Variants in PPP1R9A observed in about 807,000 individuals in gnomAD.
PPP1R9A encodes neurabin-1.
Under a neutral mutation model 141.9 loss-of-function variants are expected in PPP1R9A, and 59 were observed. The ratio of observed to expected loss-of-function variants is 0.42; its 90% CI spans 0.34 to 0.52. The LOEUF (loss-of-function observed/expected upper bound fraction) is 0.52. Among genes scored for constraint, PPP1R9A ranks in the 20% least tolerant of loss-of-function variants. The pLI is 0.10. For missense variants in PPP1R9A, 1,444 were observed against 1,611.9 expected, an observed-to-expected ratio of 0.90 and a Z score of 1.78; for synonymous variants, 500 against 569.7, an observed-to-expected ratio of 0.88 and a Z score of 1.74.
intron 4 of PPP1R9A, among the ~76,000 whole-genome samples, chr7:95,134,161 C>T (rs896277819): frequency 1.3e-5 from 2 of 152,122 alleles, no homozygotes; most frequent in Admixed American, 6.5e-5. Context: ...AGTTCATGTC[C>T]TTTGCAGGGA....
At chr7:95,006,815 A>G (rs532294835) in intron 2 of PPP1R9A, among the ~76,000 whole-genome samples, 171 of 151,566 alleles carry the variant, frequency 1.1e-3, no homozygotes, top group Non-Finnish European at 2.0e-3. Flanking sequence ...TTGTCTTACC[A>G]TTGTCTCCTT....
intron 5 of PPP1R9A, among the ~76,000 whole-genome samples, chr7:95,192,505 CT>C (rs1835655514): frequency 6.6e-6 from 1 of 151,944 alleles, no homozygotes. Flanking sequence ...ATAGGAGGTA[CT>C]TTTAAATGCA....
chr7:95,226,056 T>G lies in PPP1R9A; in HGVS notation c.2052T>G (p.Asn684Lys). The G allele has an allele frequency of 6.2e-7, 1 of 1,613,658 alleles. No homozygotes were observed. Among genetic ancestry groups the G allele is most frequent in the Admixed American group, 1.7e-5 (1 of 59,956 alleles). ...MAIEVFELPENEDMFSPSELD... is the reference protein window; with the variant it reads ...MAIEVFELPEKEDMFSPSELD... ...TTGAAGTCTTTGAGCTGCCTGAGAA[T>G]GAGGACATGTTTTCCCCATCAGAAC... Residue 684 changes from asparagine to lysine, a missense_variant, in exon 8 of 20, where the codon AAT becomes AAG. This residue lies in a region of PPP1R9A where 488 missense variants were observed against 542.0 expected (regional missense o/e 0.90). Transcript: ENST00000433360.
At chr7:94,929,444 G>C (rs1036477167) in intron 2 of PPP1R9A, among the ~76,000 whole-genome samples, 1 of 152,130 alleles carries the variant, frequency 6.6e-6, no homozygotes, top group African/African-American at 2.4e-5. Flanking sequence ...GGTAGAAAAA[G>C]GGACAAGTGT....
chr7:94,926,928 C>T (rs1396678262), intron 2 of PPP1R9A, among the ~76,000 whole-genome samples: 1 of 152,032 alleles, frequency 6.6e-6, no homozygotes, highest in Admixed American at 6.6e-5. Flanking sequence ...ACCAAATAAT[C>T]CAAGGTCTTG....
At chr7:95,220,269 C>G (rs961297370) in intron 7 of PPP1R9A, among the ~76,000 whole-genome samples, 1 of 152,058 alleles carries the variant, frequency 6.6e-6, no homozygotes, top group African/African-American at 2.4e-5. Context: ...TTTCCTCCTC[C>G]AGGGAAGAAG....
intron 7 of PPP1R9A, among the ~76,000 whole-genome samples, chr7:95,219,359 C>A (rs867492573): frequency 1.3e-5 from 2 of 152,068 alleles, no homozygotes; most frequent in South Asian, 2.1e-4. Context: ...GGTGGGTTGC[C>A]CTTTGTGGGT....
intron 2 of PPP1R9A, among the ~76,000 whole-genome samples, chr7:94,913,955 T>C (rs1438059567): frequency 6.6e-6 from 1 of 152,208 alleles, no homozygotes; most frequent in South Asian, 2.1e-4. Flanking sequence ...AGTCCTTTAG[T>C]GGCACTTGGT....
intron 4 of PPP1R9A, among the ~76,000 whole-genome samples, chr7:95,126,158 T>G (rs1823525914): frequency 6.6e-6 from 1 of 152,214 alleles, no homozygotes; most frequent in African/African-American, 2.4e-5. Context: ...TCTAGCATTT[T>G]GAGGAAGATC....
chr7:95,251,826 C>T lies in PPP1R9A; in HGVS notation c.2461C>T (p.His821Tyr), dbSNP rs1203238034. The change falls in exon 11 of 20, where the codon CAT becomes TAT. Residue 821 changes from histidine (H) to tyrosine (Y), a missense_variant. Coordinates refer to ENST00000433360, the MANE Select transcript of PPP1R9A (RefSeq NM_001166160.2). ...RKKIEDLEKA[H>Y]LVEVQGLQVR... Reference sequence around the variant, plus strand: ...GAAAATAGAAGATTTGGAAAAAGCTCATCTTGTGGAAGTGCAAGGCCTCCA... The same window carrying T: ...GAAAATAGAAGATTTGGAAAAAGCTTATCTTGTGGAAGTGCAAGGCCTCCA... 1.2e-6 allele frequency: 2 copies of T among 1,613,802 alleles called. No homozygotes were observed. Among genetic ancestry groups the T allele is most frequent in the Admixed American group, 1.7e-5 (1 of 59,972 alleles).
intron 4 of PPP1R9A, among the ~76,000 whole-genome samples, chr7:95,125,877 AG>A (rs902182142): frequency 5.3e-5 from 8 of 152,152 alleles, no homozygotes; most frequent in Non-Finnish European, 8.8e-5. Context: ...AATAGATTAA[AG>A]AGTCCTATTC....
intron 4 of PPP1R9A, among the ~76,000 whole-genome samples, chr7:95,133,513 T>TTATATA (rs10570222): frequency 0.088 from 11,675 of 132,260 alleles, 663 homozygotes; most frequent in Non-Finnish European, 0.13. Context: ...TGCAGTCGTA[T>TTATATA]TATATATATA....
chr7:94,996,887 C>A (rs914015231), intron 2 of PPP1R9A, among the ~76,000 whole-genome samples: 1 of 150,046 alleles, frequency 6.7e-6, no homozygotes, highest in South Asian at 2.1e-4. Context: ...ACTGCAACCT[C>A]CACCTCCCAG....
At chr7:95,032,388 T>C (rs902302410) in intron 2 of PPP1R9A, among the ~76,000 whole-genome samples, 5 of 152,076 alleles carry the variant, frequency 3.3e-5, no homozygotes, top group Admixed American at 3.3e-4. Flanking sequence ...AATGAGAAAC[T>C]GAGATCTAGA....
intron 16 of PPP1R9A, 25 bp from the exon 17 acceptor site, chr7:95,283,991 AAC>A (rs760451451): frequency 1.3e-6 from 2 of 1,531,738 alleles, no homozygotes; most frequent in Non-Finnish European, 1.8e-6. Context: ...TTCTTTATCT[AAC>A]ACACCCATTC....
chr7:95,237,181 T>A (rs5885902), intron 8 of PPP1R9A, among the ~76,000 whole-genome samples: 67,866 of 122,908 alleles, frequency 0.55, 15,979 homozygotes, highest in African/African-American at 0.66. Context: ...ATATATATAT[T>A]TTTTTTTTTT....
chr7:94,956,629 G>T (rs762822349), intron 2 of PPP1R9A, among the ~76,000 whole-genome samples: 5 of 152,054 alleles, frequency 3.3e-5, no homozygotes, highest in Non-Finnish European at 7.4e-5. Context: ...TTGGAGGCTG[G>T]CTTAGGAGTT....
At chr7:95,067,042 A>G (rs1293630247) in intron 2 of PPP1R9A, among the ~76,000 whole-genome samples, 1 of 152,230 alleles carries the variant, frequency 6.6e-6, no homozygotes, top group East Asian at 1.9e-4. Flanking sequence ...GCAATGCCTT[A>G]AAAATTCTGA....
intron 8 of PPP1R9A, among the ~76,000 whole-genome samples, chr7:95,233,141 T>C (rs2152968917): frequency 6.6e-6 from 1 of 152,308 alleles, no homozygotes; most frequent in South Asian, 2.1e-4. Context: ...ATTGATAGAC[T>C]GGATAAAGAA....
Sources: gnomAD v4.1 joint callset for allele counts (sites outside exome capture counted in the v4.1 genomes callset) on GRCh38, gnomAD v4.1.1 for gene constraint, gnomAD v4.1.1 regional missense constraint, MANE v1.5 for transcripts, NCBI Gene and HGNC (gene_info 2026-07-23, HGNC 2026-07-21) for gene names.